SUPT3H: variants seen among roughly 807,000 people sequenced by gnomAD.
The protein encoded by SUPT3H is transcription initiation protein SPT3 homolog.
Under a neutral mutation model 44.3 loss-of-function variants are expected in SUPT3H, and 44 were observed. The observed-to-expected ratio is 0.99, with a 90% CI of 0.78 to 1.28. The LOEUF (loss-of-function observed/expected upper bound fraction) is 1.28. Ranked by LOEUF, SUPT3H falls within the 50% of genes most tolerant of loss-of-function variation. The pLI is 0.00. For missense variants in SUPT3H, 380 were observed against 387.1 expected, an observed-to-expected ratio of 0.98 and a Z score of 0.15; for synonymous variants, 124 against 125.6, an observed-to-expected ratio of 0.99 and a Z score of 0.09.
chr6:45,008,393 T>C (rs1179987284), intron 5 of SUPT3H, among the ~76,000 whole-genome samples: 1 of 152,198 alleles, frequency 6.6e-6, no homozygotes, highest in African/African-American at 2.4e-5. Flanking sequence ...TCTCGCTCTG[T>C]TGCCAGGCTG....
At chr6:45,017,542 C>T (rs1374835726) in intron 4 of SUPT3H, among the ~76,000 whole-genome samples, 2 of 152,068 alleles carry the variant, frequency 1.3e-5, no homozygotes, top group Non-Finnish European at 2.9e-5. Context: ...AGGAAGGGAT[C>T]CAGTTTCAGC....
At chr6:45,046,959 C>T (rs1789495170) in intron 3 of SUPT3H, among the ~76,000 whole-genome samples, 1 of 152,110 alleles carries the variant, frequency 6.6e-6, no homozygotes, top group Non-Finnish European at 1.5e-5. Flanking sequence ...GTTAAATTTA[C>T]CCATAGATAC....
intron 2 of SUPT3H, among the ~76,000 whole-genome samples, chr6:45,235,854 C>T (rs56357385): frequency 0.22 from 33,319 of 151,976 alleles, 4,477 homozygotes; most frequent in Non-Finnish European, 0.31. Context: ...TGTGGGTTTA[C>T]TGGAATGAAG....
chr6:44,851,280 G>C (rs2153421501), intron 10 of SUPT3H, among the ~76,000 whole-genome samples: 1 of 152,278 alleles, frequency 6.6e-6, no homozygotes, highest in South Asian at 2.1e-4. Flanking sequence ...GGAATAAAAA[G>C]AGTTTTCTAA....
chr6:45,367,519 T>C (rs975447554), intron 1 of SUPT3H, among the ~76,000 whole-genome samples: 2 of 151,878 alleles, frequency 1.3e-5, no homozygotes, highest in Non-Finnish European at 2.9e-5. Context: ...CTTCCCTAAA[T>C]AGTCCTGCAG....
chr6:44,962,650 A>G (rs1260373780), intron 6 of SUPT3H, among the ~76,000 whole-genome samples: 1 of 151,802 alleles, frequency 6.6e-6, no homozygotes, highest in East Asian at 1.9e-4. Flanking sequence ...GCACATAAGT[A>G]CCATTTCTTC....
chr6:45,170,787 C>T (rs1810642680), intron 2 of SUPT3H, among the ~76,000 whole-genome samples: 1 of 152,182 alleles, frequency 6.6e-6, no homozygotes, highest in Non-Finnish European at 1.5e-5. Context: ...TTCTCCACAG[C>T]TGTCATTTCT....
At chr6:45,345,165 C>G (rs1790590365) in intron 2 of SUPT3H, among the ~76,000 whole-genome samples, 1 of 152,116 alleles carries the variant, frequency 6.6e-6, no homozygotes, top group Admixed American at 6.6e-5. Flanking sequence ...TTATAAAAAT[C>G]TTTGACACTT....
intron 2 of SUPT3H, among the ~76,000 whole-genome samples, chr6:45,215,429 A>G (rs1291208596): frequency 6.6e-6 from 1 of 152,218 alleles, no homozygotes; most frequent in African/African-American, 2.4e-5. Flanking sequence ...GGGAATACAC[A>G]GACAATTCAA....
chr6:45,059,036 G>A (rs967694008), intron 3 of SUPT3H, among the ~76,000 whole-genome samples: 28 of 152,040 alleles, frequency 1.8e-4, no homozygotes, highest in Non-Finnish European at 4.0e-4. Context: ...GCATCAGGAG[G>A]ATAAGATCTG....
At chr6:45,272,518 T>C (rs1474093789) in intron 2 of SUPT3H, among the ~76,000 whole-genome samples, 1 of 152,178 alleles carries the variant, frequency 6.6e-6, no homozygotes, top group Non-Finnish European at 1.5e-5. Flanking sequence ...CTTTTGTAAA[T>C]TGTCCAGTCT....
intron 2 of SUPT3H, among the ~76,000 whole-genome samples, chr6:45,145,959 T>A (rs1287871662): frequency 6.6e-6 from 1 of 151,898 alleles, no homozygotes; most frequent in African/African-American, 2.4e-5. Context: ...ATCAAAACCA[T>A]AATGAGATAC....
At chr6:45,371,971 G>C (rs562922252) in intron 1 of SUPT3H, 6 of 817,260 alleles carry the variant, frequency 7.3e-6, no homozygotes, top group African/African-American at 1.9e-5. Flanking sequence ...GACTAAAACT[G>C]AGGTCCCCCG....
chr6:44,885,182 G>A (rs1031157936), intron 10 of SUPT3H, among the ~76,000 whole-genome samples: 7 of 152,160 alleles, frequency 4.6e-5, no homozygotes, highest in African/African-American at 1.4e-4. Context: ...CCACCTCTGC[G>A]GGCAGGGCAC....
At chr6:45,167,601 T>C (rs1810100624) in intron 2 of SUPT3H, among the ~76,000 whole-genome samples, 2 of 152,274 alleles carry the variant, frequency 1.3e-5, no homozygotes, top group East Asian at 1.9e-4. Flanking sequence ...AAACTCAACA[T>C]TTTTTATCTT....
intron 3 of SUPT3H, among the ~76,000 whole-genome samples, chr6:45,047,670 A>G (rs1349051985): frequency 6.6e-6 from 1 of 152,166 alleles, no homozygotes. Flanking sequence ...GAAAATCCAT[A>G]CTATTTTCCA....
intron 7 of SUPT3H, 118 bp from the exon 8 acceptor site, chr6:44,954,725 C>A: frequency 1.6e-6 from 1 of 636,930 alleles, no homozygotes; most frequent in Non-Finnish European, 2.7e-6. Flanking sequence ...AAATAATGCA[C>A]ATAAAATGCA....
In SUPT3H at chr6:45,259,234, T is replaced by C. The variant is rs77321585; in HGVS notation, c.101+105967A>G. Among the ~76,000 whole-genome samples, 388 of 152,202 alleles carry C rather than the reference T, an allele frequency of 2.5e-3. 3 individuals are homozygous for C. Among genetic ancestry groups the C allele is most frequent in the African/African-American group, 8.5e-3 (355 of 41,542 alleles). On this transcript the variant is annotated intron_variant, in intron 2 of 10. Transcript: ENST00000371459. The stretch of plus-strand genomic sequence containing the variant: ...ACTTTCAAAGTACCTATGTTGTAAT[T>C]TCATTTTTAAAAAATTCTTTTCAAT...
chr6:45,313,857 C>T (rs1019407702), intron 2 of SUPT3H, among the ~76,000 whole-genome samples: 4 of 151,960 alleles, frequency 2.6e-5, no homozygotes, highest in African/African-American at 7.3e-5. Context: ...AACTACAGAC[C>T]GATATCCTTG....
Sources: allele counts gnomAD v4.1 joint callset (sites outside exome capture counted in the v4.1 genomes callset), GRCh38; gene constraint gnomAD v4.1.1; transcripts MANE v1.5; gene names NCBI Gene and HGNC (gene_info 2026-07-23, HGNC 2026-07-21).